Variants in SMG6 observed in about 807,000 individuals in gnomAD.
SMG6 encodes the protein SMG6 nonsense mediated mRNA decay factor.
Under a neutral mutation model 142.2 loss-of-function variants are expected in SMG6, and 66 were observed. That is an observed-to-expected ratio of 0.46 (90% CI 0.38 to 0.57). The LOEUF (loss-of-function observed/expected upper bound fraction) is 0.57. SMG6 is among the 20% of genes least tolerant of loss of function. The probability of loss-of-function intolerance (pLI) is 0.00; values close to 1 mark genes in which losing one functional copy is unlikely to be tolerated. For synonymous variants in SMG6, 779 were observed against 702.4 expected (o/e 1.11, Z -1.72); for missense variants, 1,793 against 1,832.0 (o/e 0.98, Z 0.39).
chr17:2,149,069 G>A (rs1458475681), intron 13 of SMG6, among the ~76,000 whole-genome samples: 2 of 152,048 alleles, frequency 1.3e-5, no homozygotes, highest in South Asian at 2.1e-4. Context: ...GGTTAAAATG[G>A]CTGGGCAAAG....
intron 6 of SMG6, among the ~76,000 whole-genome samples, chr17:2,289,004 G>A (rs986536204): frequency 2.0e-5 from 3 of 150,740 alleles, no homozygotes; most frequent in Non-Finnish European, 3.0e-5. Context: ...GCGTGAACCC[G>A]GGAGGTGGAG....
At chr17:2,139,305 G>A (rs2070399369) in intron 13 of SMG6, among the ~76,000 whole-genome samples, 2 of 152,136 alleles carry the variant, frequency 1.3e-5, no homozygotes, top group African/African-American at 4.8e-5. Flanking sequence ...AAACCAAACA[G>A]TGAGGCCTAT....
intron 13 of SMG6, among the ~76,000 whole-genome samples, chr17:2,094,098 G>A (rs767663025): frequency 1.3e-5 from 2 of 152,132 alleles, no homozygotes; most frequent in African/African-American, 2.4e-5. Context: ...CCCGGGCTTC[G>A]GAACAAGCGG....
At chr17:2,137,683 G>A (rs1197864961) in intron 13 of SMG6, among the ~76,000 whole-genome samples, 1 of 152,072 alleles carries the variant, frequency 6.6e-6, no homozygotes, top group African/African-American at 2.4e-5. Flanking sequence ...AGCAGAAAGC[G>A]CCATGGGACT....
At chr17:2,264,699 T>A (rs2074383940) in intron 8 of SMG6, among the ~76,000 whole-genome samples, 1 of 151,744 alleles carries the variant, frequency 6.6e-6, no homozygotes, top group South Asian at 2.1e-4. Context: ...CCCAGGAGTT[T>A]GAGACCAGCC....
Position 2,065,524 on chromosome 17 carries a change from G to T in SMG6, c.3991C>A (p.Arg1331Ser). The change falls in exon 17 of 19, where the codon CGT becomes AGT. Residue 1331 changes from arginine to serine, a missense_variant. Physicochemically the swap from Arg to Ser is moderately radical, Grantham distance 110 (BLOSUM62 -1). This residue lies in a region of SMG6 where 179 missense variants were observed against 212.6 expected (regional missense o/e 0.84). Transcript: ENST00000263073. ...RDSCLRALTS[R>S]GNELESIAFR... Reference sequence around the variant, plus strand: ...GCGATGGATTCGAGTTCATTGCCACGGCTGGTCAGGGCTCGCAGGCAAGAG... The same window carrying T: ...GCGATGGATTCGAGTTCATTGCCACTGCTGGTCAGGGCTCGCAGGCAAGAG... 6.2e-7 allele frequency: 1 copy of T among 1,613,918 alleles called. No individual in the cohort carries two copies. The highest frequency in any genetic ancestry group is 8.5e-7 in the Non-Finnish European group (1 of 1,180,002).
intron 15 of SMG6, among the ~76,000 whole-genome samples, chr17:2,080,488 C>G (rs914127920): frequency 1.3e-5 from 2 of 152,188 alleles, no homozygotes; most frequent in African/African-American, 2.4e-5. Context: ...CTTCCCTGGC[C>G]AGGGTGATTA....
Position 2,158,310 on chromosome 17 carries a change from T to C in SMG6, c.3357+14348A>G, listed in dbSNP as rs35195330. 6.4e-3 allele frequency among the ~76,000 whole-genome samples: 970 copies of C among 152,260 alleles called. 4 individuals carry two copies. Among genetic ancestry groups the C allele is most frequent in the Middle Eastern group, 0.027 (8 of 294 alleles). On this transcript the variant is annotated intron_variant, in intron 13 of 18. Coordinates refer to ENST00000263073, the MANE Select transcript of SMG6 (RefSeq NM_017575.5). ...TTCTAGAATTAAGAACAGTTTATCA[T>C]TATTCTCTTCACTTTAGAGAGGGGT...
intron 10 of SMG6, among the ~76,000 whole-genome samples, 187 bp from the exon 11 acceptor site, chr17:2,188,702 G>A (rs1269556823): frequency 3.9e-5 from 6 of 152,238 alleles, no homozygotes; most frequent in Non-Finnish European, 8.8e-5. Flanking sequence ...ATATGGATAT[G>A]TGTTTGATAA....
rs771344044 is a variant in SMG6, at chr17:2,081,827, G to A, written c.3664C>T (p.Arg1222Cys). 3.7e-6 allele frequency: 6 copies of A among 1,613,512 alleles called. No individual in the cohort carries two copies. The highest frequency in any genetic ancestry group is 2.2e-5 in the East Asian group (1 of 44,896). The change falls in exon 15 of 19, where the codon CGC becomes TGC. Residue 1222 changes from arginine to cysteine, a missense_variant. Arg to Cys is a radical substitution (Grantham distance 180). This residue lies in a region of SMG6 where 1,597 missense variants were observed against 1,584.6 expected (regional missense o/e 1.01). Transcript: ENST00000263073. Reference sequence around the variant, plus strand: ...GACTTCACCTGGATCTTTTCCTGGCGACGCTGCTGCTCAGCTATCTTCCTG... The same window carrying A: ...GACTTCACCTGGATCTTTTCCTGGCAACGCTGCTGCTCAGCTATCTTCCTG... ...LARKIAEQQRRQEKIQAVLED... is the reference protein window; with the variant it reads ...LARKIAEQQRCQEKIQAVLED...
chr17:2,226,310 C>T (rs893696873), intron 10 of SMG6, among the ~76,000 whole-genome samples: 2 of 150,086 alleles, frequency 1.3e-5, no homozygotes, highest in East Asian at 3.9e-4. Context: ...AAGAGCCGGG[C>T]GTAGTGGCTC....
intron 8 of SMG6, among the ~76,000 whole-genome samples, chr17:2,270,761 T>C (rs994467348): frequency 6.6e-6 from 1 of 152,218 alleles, no homozygotes; most frequent in Non-Finnish European, 1.5e-5. Flanking sequence ...TGAAACAAGG[T>C]CATCAACTTT....
At chr17:2,149,803 C>G (rs2070773350) in intron 13 of SMG6, among the ~76,000 whole-genome samples, 1 of 152,290 alleles carries the variant, frequency 6.6e-6, no homozygotes, top group Middle Eastern at 3.4e-3. Context: ...AACTTGCCTT[C>G]TATCAAAATG....
At position 2,299,413 on chromosome 17, in the gene SMG6, C is replaced by G; in HGVS notation, c.1340G>C (p.Gly447Ala). ...GSGSKGSRSWGRGGTTRRLWD... is the reference protein window; with the variant it reads ...GSGSKGSRSWARGGTTRRLWD... ...CAATCGGCGTGTGGTGCCTCCACGG[C>G]CCCAACTCCGAGATCCCTTACTACC... Residue 447 changes from glycine to alanine, a missense_variant, in exon 2 of 19, where the codon GGC becomes GCC. Gly to Ala is a moderately conservative substitution (Grantham distance 60, BLOSUM62 0). Around this residue, in one of 3 missense-constraint regions of SMG6, gnomAD observed 1,597 missense variants for 1,584.6 expected, o/e 1.01. Transcript: ENST00000263073. This position sits in a 1 kb window ranked among gnomAD's most constrained non-coding sequence, Gnocchi z 4.3. 5 of 1,613,800 alleles carry G rather than the reference C, an allele frequency of 3.1e-6. No individual in the cohort carries two copies. Among genetic ancestry groups the G allele is most frequent in the South Asian group, 1.1e-5 (1 of 91,082 alleles).
rs759261751 is a variant in SMG6 at position 2,266,915 on chromosome 17, A to C, written c.2661+15732T>G. Among the ~76,000 whole-genome samples the C allele has an allele frequency of 1.2e-4, 18 of 152,150 alleles. No homozygotes were observed. In the South Asian group the frequency reaches 1.2e-3, roughly 11 times the overall value. On this transcript the variant is annotated intron_variant, in intron 8 of 18. Coordinates refer to ENST00000263073, the MANE Select transcript of SMG6 (RefSeq NM_017575.5). The stretch of plus-strand genomic sequence containing the variant: ...ACCCACCTCACATTATCAACATCTG[A>C]AAAACCCGGTTCTGGTTCTGACCTT...
intron 13 of SMG6, among the ~76,000 whole-genome samples, chr17:2,172,241 T>C (rs2071525550): frequency 6.6e-6 from 1 of 151,410 alleles, no homozygotes; most frequent in African/African-American, 2.4e-5. Flanking sequence ...CACCTATTTA[T>C]CACTCTCCTC....
intron 10 of SMG6, among the ~76,000 whole-genome samples, chr17:2,211,747 G>A (rs937265546): frequency 6.6e-6 from 1 of 151,192 alleles, no homozygotes; most frequent in Non-Finnish European, 1.5e-5. Flanking sequence ...TCTATGCATA[G>A]ACACATAGAA....
chr17:2,212,322 C>T, intron 10 of SMG6, among the ~76,000 whole-genome samples: 1 of 152,072 alleles, frequency 6.6e-6, no homozygotes, highest in South Asian at 2.1e-4. Context: ...AAGAGTGAGA[C>T]AGACATACGA....
At chr17:2,277,289 C>A (rs1029363036) in intron 8 of SMG6, among the ~76,000 whole-genome samples, 1 of 151,686 alleles carries the variant, frequency 6.6e-6, no homozygotes, top group South Asian at 2.1e-4. Flanking sequence ...GCCTCAGCCT[C>A]CCGAGTAGCT....
Sources: gnomAD v4.1 joint callset for allele counts (sites outside exome capture counted in the v4.1 genomes callset) on GRCh38, gnomAD v4.1.1 for gene constraint, gnomAD v4.1.1 regional missense constraint, Gnocchi (gnomAD v3.1) non-coding constraint, MANE v1.5 for transcripts, NCBI Gene and HGNC (gene_info 2026-07-23, HGNC 2026-07-21) for gene names.